Variants in VMP1 observed in about 807,000 individuals in gnomAD.
VMP1 encodes vacuole membrane protein 1.
VMP1 carries 11 observed loss-of-function variants against 56.0 expected under a neutral mutation model. The ratio of observed to expected loss-of-function variants is 0.20; its 90% CI spans 0.12 to 0.32. The LOEUF (loss-of-function observed/expected upper bound fraction) is 0.32, where lower values mean the gene tolerates loss of function less well. Ranked by LOEUF, VMP1 falls within the 10% of genes least tolerant of loss-of-function variation. The pLI, the probability that VMP1 is intolerant of heterozygous loss-of-function variation, is 1.00. For missense variants in VMP1, 296 were observed against 490.3 expected (o/e 0.60, Z 3.74); for synonymous variants, 149 against 165.0 (o/e 0.90, Z 0.74).
In VMP1 at chr17:59,748,195, C is replaced by CA. The variant is rs36016640; in HGVS notation, c.414+9270dup. ...TGGGCAATAGAGCGAGACTCCGTCT[C>CA]AAAAAAAAAAAAAAAAAAAAAACCT... On this transcript the variant is annotated intron_variant, in intron 5 of 11. Transcript: ENST00000262291. Among the ~76,000 whole-genome samples the CA allele has an allele frequency of 2.3e-3, 233 of 102,928 alleles. 1 individual carries two copies. Among genetic ancestry groups the CA allele is most frequent in the Middle Eastern group, 5.1e-3 (1 of 198 alleles). 67.5% of individuals were successfully genotyped at this position (102,928 alleles called of 152,430 possible).
At position 59,839,991 on chromosome 17, in the gene VMP1, A is replaced by T. The variant is rs1204830627; in HGVS notation, c.*80A>T. ...GGGAGGACTCCAAGCCGGGAAGGAA[A>T]ATTCCCTTTTCCAACCTGTATCAAT... On this transcript the variant is annotated 3_prime_UTR_variant, in exon 12 of 12. Coordinates refer to ENST00000262291, the MANE Select transcript of VMP1 (RefSeq NM_030938.5). 4 of 1,555,628 alleles carry T rather than the reference A, an allele frequency of 2.6e-6. No homozygotes were observed. Among genetic ancestry groups the T allele is most frequent in the African/African-American group, 1.4e-5 (1 of 71,548 alleles).
At chr17:59,794,728 G>A (rs942860710) in intron 7 of VMP1, among the ~76,000 whole-genome samples, 7 of 150,410 alleles carry the variant, frequency 4.7e-5, no homozygotes, top group Non-Finnish European at 8.9e-5. Context: ...ATAAATACTG[G>A]AGTCAGCCCC....
intron 10 of VMP1, among the ~76,000 whole-genome samples, chr17:59,822,768 C>G (rs1053251345): frequency 6.6e-6 from 1 of 152,092 alleles, no homozygotes; most frequent in African/African-American, 2.4e-5. Context: ...TAGAGTAGTA[C>G]TTTATTTCAG....
At chr17:59,753,468 A>G (rs984305420) in intron 5 of VMP1, among the ~76,000 whole-genome samples, 1 of 152,208 alleles carries the variant, frequency 6.6e-6, no homozygotes, top group Non-Finnish European at 1.5e-5. Context: ...ATGCATGTAC[A>G]TTATGATTCA....
intron 5 of VMP1, among the ~76,000 whole-genome samples, chr17:59,763,520 A>G (rs1486107508): frequency 6.6e-6 from 1 of 152,158 alleles, no homozygotes; most frequent in African/African-American, 2.4e-5. Flanking sequence ...TAACTGATTC[A>G]GTTCCAAGGA....
Position 59,713,810 on chromosome 17 carries a change from G to A in VMP1, c.-27+6062G>A, listed in dbSNP as rs370908513. 2.6e-5 allele frequency among the ~76,000 whole-genome samples: 4 copies of A among 151,216 alleles called. No individual in the cohort carries two copies. In the South Asian group the frequency reaches 8.4e-4, roughly 32 times the overall value. On this transcript the variant is annotated intron_variant, in intron 1 of 11. Coordinates refer to ENST00000262291, the MANE Select transcript of VMP1 (RefSeq NM_030938.5). ...GTAATCCCAACACTGAGAGGCCAAG[G>A]TGCGCAGATCACTTGAGGTCAAGAG...
intron 10 of VMP1, among the ~76,000 whole-genome samples, chr17:59,827,927 C>T (rs1036948470): frequency 1.3e-5 from 2 of 151,580 alleles, no homozygotes; most frequent in Non-Finnish European, 2.9e-5. Context: ...GAGCAAGATC[C>T]TGTTCCCAAA....
At chr17:59,740,076 CA>C (rs912542092) in intron 5 of VMP1, among the ~76,000 whole-genome samples, 5,557 of 104,386 alleles carry the variant, frequency 0.053, 334 homozygotes, top group African/African-American at 0.17. Flanking sequence ...GACTCCGTCT[CA>C]AAAAAAAAAA....
intron 1 of VMP1, among the ~76,000 whole-genome samples, chr17:59,723,418 T>G (rs957257945): frequency 3.3e-5 from 5 of 151,800 alleles, no homozygotes; most frequent in African/African-American, 1.2e-4. Flanking sequence ...GGAGGAAAAA[T>G]GAAAGTATTT....
chr17:59,722,995 G>T (rs967021835), intron 1 of VMP1, among the ~76,000 whole-genome samples: 2 of 152,064 alleles, frequency 1.3e-5, no homozygotes, highest in Admixed American at 1.3e-4. Context: ...AATAATTTTT[G>T]ACTTAGTTTG....
At position 59,735,318 on chromosome 17, in the gene VMP1, T is replaced by C; in HGVS notation, c.77-20T>C. The C allele has an allele frequency of 6.2e-7, 1 of 1,610,946 alleles. No homozygotes were observed. Among genetic ancestry groups the C allele is most frequent in the Non-Finnish European group, 8.5e-7 (1 of 1,178,686 alleles). ...AAATGTTAGAAATTCTGTTTTAATC[T>C]CTGCACTATTGTTTTTCAGACCCCT... On this transcript the variant is annotated intron_variant, in intron 2 of 11. Coordinates refer to ENST00000262291, the MANE Select transcript of VMP1 (RefSeq NM_030938.5).
At chr17:59,709,749 A>G (rs754492323) in intron 1 of VMP1, among the ~76,000 whole-genome samples, 6 of 152,186 alleles carry the variant, frequency 3.9e-5, no homozygotes, top group Non-Finnish European at 7.3e-5. Flanking sequence ...GAAAATGAGT[A>G]TAGTTTTGCA....
chr17:59,727,317 G>A (rs2143781329), intron 1 of VMP1, among the ~76,000 whole-genome samples: 1 of 151,972 alleles, frequency 6.6e-6, no homozygotes, highest in Middle Eastern at 3.4e-3. Flanking sequence ...CGTATTTTTA[G>A]TAGAGACAGG....
At chr17:59,829,820 G>C (rs1287997099) in intron 10 of VMP1, among the ~76,000 whole-genome samples, 1 of 152,094 alleles carries the variant, frequency 6.6e-6, no homozygotes. Context: ...ATTCCTGAAA[G>C]TGTATCCTAC....
intron 7 of VMP1, among the ~76,000 whole-genome samples, chr17:59,805,115 A>C (rs1488947672): frequency 6.6e-6 from 1 of 152,220 alleles, no homozygotes; most frequent in Non-Finnish European, 1.5e-5. Context: ...TCAAATTTAA[A>C]AATTAAAAAA....
intron 1 of VMP1, among the ~76,000 whole-genome samples, chr17:59,716,982 T>A (rs542401477): frequency 1.7e-4 from 26 of 152,206 alleles, no homozygotes; most frequent in South Asian, 6.2e-4. Context: ...ATTTTTATTT[T>A]TTTTTATTTT....
At chr17:59,805,543 T>A (rs1279386574) in intron 7 of VMP1, among the ~76,000 whole-genome samples, 2 of 151,756 alleles carry the variant, frequency 1.3e-5, no homozygotes, top group African/African-American at 4.8e-5. Context: ...TTCTATAGAG[T>A]AGAAAAATGC....
chr17:59,726,380 A>C (rs1445468715), intron 1 of VMP1, among the ~76,000 whole-genome samples: 1 of 149,446 alleles, frequency 6.7e-6, no homozygotes, highest in Non-Finnish European at 1.5e-5. Flanking sequence ...TGCGACCTCC[A>C]CCTCCTGGGT....
chr17:59,829,503 C>T (rs926602830), intron 10 of VMP1, among the ~76,000 whole-genome samples: 1 of 152,032 alleles, frequency 6.6e-6, no homozygotes, highest in Admixed American at 6.6e-5. Flanking sequence ...TGGTTGGTCC[C>T]CAGGGAAACT....
Sources: gnomAD v4.1 joint callset for allele counts (sites outside exome capture counted in the v4.1 genomes callset) on GRCh38, gnomAD v4.1.1 for gene constraint, MANE v1.5 for transcripts, NCBI Gene and HGNC (gene_info 2026-07-23, HGNC 2026-07-21) for gene names.